Variants in TNRC18 observed in about 807,000 individuals in gnomAD.
TNRC18 encodes the protein trinucleotide repeat-containing gene 18 protein.
In TNRC18, 69 loss-of-function variants were observed where a neutral mutation model predicts 226.7. The ratio of observed to expected loss-of-function variants is 0.30; its 90% CI spans 0.25 to 0.37. TNRC18 has a LOEUF of 0.37. Ranked by LOEUF, TNRC18 falls within the 10% of genes least tolerant of loss-of-function variation. The pLI is 1.00. For missense variants in TNRC18, 4,754 were observed against 4,256.6 expected, an observed-to-expected ratio of 1.12 and a Z score of -3.25; for synonymous variants, 2,449 against 1,927.6, an observed-to-expected ratio of 1.27 and a Z score of -7.09.
chr7:5,356,794 C>A, intron 16 of TNRC18, 122 bp downstream of exon 16: 2 of 1,366,536 alleles, frequency 1.5e-6, no homozygotes, highest in Non-Finnish European at 9.7e-7. Flanking sequence ...TAGTGCGCCC[C>A]AGAGAGAGAG....
chr7:5,320,453 G>A (rs1422389715), intron 23 of TNRC18, 27 bp from the exon 24 acceptor site: 2 of 1,563,236 alleles, frequency 1.3e-6, no homozygotes, highest in African/African-American at 2.7e-5. Context: ...TGAGTGCAAG[G>A]TGTGGACACA....
chr7:5,409,497 G>C (rs188165004), intron 2 of TNRC18, among the ~76,000 whole-genome samples: 7 of 151,702 alleles, frequency 4.6e-5, no homozygotes, highest in African/African-American at 1.5e-4. Flanking sequence ...CAGGAGGATC[G>C]TTTGAGCCCC....
At chr7:5,325,404 G>C (rs10240159) in intron 19 of TNRC18, 156 bp from the exon 20 acceptor site, 1 of 774,092 alleles carries the variant, frequency 1.3e-6, no homozygotes. Flanking sequence ...TCCTGCAAGC[G>C]TTTTTGGTTT....
In TNRC18 at chr7:5,387,940, C is replaced by A. The variant is rs762694960; in HGVS notation, c.1884G>T (p.Ala628=). The A allele has an allele frequency of 1.3e-6, 2 of 1,597,996 alleles. No individual in the cohort carries two copies. The highest frequency in any genetic ancestry group is 2.3e-5 in the East Asian group (1 of 44,136). The change falls in exon 5 of 30, where the codon GCG becomes GCT. Residue 628 remains alanine, a synonymous_variant. Coordinates refer to ENST00000430969, the MANE Select transcript of TNRC18 (RefSeq NM_001080495.3). ...TMKPEPAPTS[A]GASRAQARLP... is the part of the protein sequence containing the mutation. Reference sequence around the variant, plus strand: ...GACGGGCCTGGGCTCGGGAGGCACCCGCAGAGGTGGGCGCAGGCTCGGGTT... The same window carrying A: ...GACGGGCCTGGGCTCGGGAGGCACCAGCAGAGGTGGGCGCAGGCTCGGGTT...
chr7:5,329,640 G>A (rs1370015902), intron 19 of TNRC18, among the ~76,000 whole-genome samples: 10 of 118,238 alleles, frequency 8.5e-5, no homozygotes, highest in Non-Finnish European at 1.3e-4. Context: ...CCGAGTTTGT[G>A]CCACTGCACT....
At chr7:5,382,185 G>A (rs1583998501) in intron 5 of TNRC18, among the ~76,000 whole-genome samples, 1 of 152,086 alleles carries the variant, frequency 6.6e-6, no homozygotes, top group African/African-American at 2.4e-5. Flanking sequence ...CAAGTCACAA[G>A]ACTAACATGG....
At chr7:5,416,295 G>A (rs1483750536) in intron 2 of TNRC18, among the ~76,000 whole-genome samples, 3 of 151,416 alleles carry the variant, frequency 2.0e-5, no homozygotes, top group African/African-American at 4.9e-5. Flanking sequence ...GGCACCTGTA[G>A]TCCCAGCTAC....
rs559101274 is a variant in TNRC18 at position 5,387,815 on chromosome 7, C to G, written c.2009G>C (p.Gly670Ala). The G allele has an allele frequency of 6.2e-6, 10 of 1,607,310 alleles. No homozygotes were observed. Among genetic ancestry groups the G allele is most frequent in the Middle Eastern group, 1.7e-4 (1 of 6,052 alleles). The change falls in exon 5 of 30, where the codon GGT becomes GCT. Residue 670 changes from glycine (G) to alanine (A), a missense_variant. Gly to Ala is a moderately conservative substitution (Grantham distance 60). Coordinates refer to ENST00000430969, the MANE Select transcript of TNRC18 (RefSeq NM_001080495.3). ...SAKAFGREGS[G>A]AQGEAEVRHP... ...TCGCACTTCTGCCTCACCCTGGGCA[C>G]CAGAGCCCTCGCGCCCGAAAGCTTT...
At chr7:5,333,198 G>A (rs1431272654) in intron 18 of TNRC18, 149 bp from the exon 19 acceptor site, 2 of 961,156 alleles carry the variant, frequency 2.1e-6, no homozygotes, top group South Asian at 1.4e-5. Flanking sequence ...CTGAGGCCCA[G>A]AGGAGAAAGA....
intron 27 of TNRC18, among the ~76,000 whole-genome samples, chr7:5,311,199 T>TGTGTGC (rs973233146): frequency 2.2e-4 from 34 of 152,044 alleles, no homozygotes; most frequent in African/African-American, 6.5e-4. Flanking sequence ...CATATGTGCG[T>TGTGTGC]GTGTGTGTGC....
chr7:5,390,755 A>C, intron 3 of TNRC18, 127 bp from the exon 4 acceptor site: 1 of 1,109,138 alleles, frequency 9.0e-7, no homozygotes, highest in East Asian at 2.7e-5. Flanking sequence ...GAGGTTTAAC[A>C]GCAGCTCCTC....
At chr7:5,387,569 A>AT in intron 5 of TNRC18, 103 bp downstream of exon 5, 1 of 1,472,410 alleles carries the variant, frequency 6.8e-7, no homozygotes, top group Admixed American at 2.2e-5. Context: ...GATACTTATA[A>AT]AGACTTAGCA....
intron 1 of TNRC18, chr7:5,422,659 A>AC (rs1217653725): frequency 6.7e-6 from 1 of 149,590 alleles, no homozygotes; most frequent in Non-Finnish European, 1.5e-5. Flanking sequence ...CGAGCAGGAG[A>AC]CCCCCTCGGC....
chr7:5,359,048 A>C (rs1179053200), intron 15 of TNRC18, among the ~76,000 whole-genome samples: 1 of 152,234 alleles, frequency 6.6e-6, no homozygotes, highest in Non-Finnish European at 1.5e-5. Flanking sequence ...AGAGCTGCTC[A>C]TTAAACTATT....
chr7:5,413,269 C>G (rs1781956146), intron 2 of TNRC18, among the ~76,000 whole-genome samples: 2 of 152,150 alleles, frequency 1.3e-5, no homozygotes, highest in Non-Finnish European at 2.9e-5. Flanking sequence ...CCCCGCCAGC[C>G]ACATCCAAAA....
At chr7:5,308,805 C>G in intron 29 of TNRC18, 70 bp downstream of exon 29, 3 of 1,514,350 alleles carry the variant, frequency 2.0e-6, no homozygotes, top group Non-Finnish European at 1.8e-6. Flanking sequence ...CTGAGCCGGG[C>G]CCTGTCTGAG....
chr7:5,382,210 T>C (rs2128186459), intron 5 of TNRC18, among the ~76,000 whole-genome samples: 1 of 152,236 alleles, frequency 6.6e-6, no homozygotes, highest in South Asian at 2.1e-4. Context: ...GTCATGGCTG[T>C]GATCAGCGTC....
intron 18 of TNRC18, among the ~76,000 whole-genome samples, chr7:5,333,354 C>T (rs568411732): frequency 6.6e-6 from 1 of 152,352 alleles, no homozygotes; most frequent in Non-Finnish European, 1.5e-5. Context: ...ATCCCAGAAG[C>T]CAGGGCAGCT....
chr7:5,351,587 C>T (rs13388), intron 17 of TNRC18, among the ~76,000 whole-genome samples: 23 of 152,150 alleles, frequency 1.5e-4, no homozygotes, highest in African/African-American at 5.1e-4. Context: ...AAGAGCCAGC[C>T]GGGGATATTA....
Sources: gnomAD v4.1 joint callset for allele counts (sites outside exome capture counted in the v4.1 genomes callset) on GRCh38, gnomAD v4.1.1 for gene constraint, MANE v1.5 for transcripts, NCBI Gene and HGNC (gene_info 2026-07-23, HGNC 2026-07-21) for gene names.